The following MS4A14 variants were observed in gnomAD, a reference collection of about 807,000 sequenced individuals.
MS4A14 encodes the protein membrane spanning 4-domains A14.
Under a neutral mutation model 16.7 loss-of-function variants are expected in MS4A14, and 18 were observed. The observed-to-expected ratio is 1.08, with a 90% CI of 0.75 to 1.60. MS4A14 has a LOEUF of 1.60. Ranked by LOEUF, MS4A14 falls within the 40% of genes most tolerant of loss-of-function variation. The probability of loss-of-function intolerance (pLI) is 0.00; values close to 1 mark genes in which losing one functional copy is unlikely to be tolerated. For synonymous variants in MS4A14, 305 were observed against 289.4 expected, an observed-to-expected ratio of 1.05 and a Z score of -0.55; for missense variants, 812 against 775.3, an observed-to-expected ratio of 1.05 and a Z score of -0.56.
intron 4 of MS4A14, chr11:60,406,084 C>A: frequency 1.4e-6 from 1 of 731,502 alleles, no homozygotes; most frequent in South Asian, 2.3e-5. Flanking sequence ...GTAGGAAAAG[C>A]AGCATGCTCA....
chr11:60,409,616 T>A (rs1374237404), intron 4 of MS4A14, among the ~76,000 whole-genome samples: 1 of 150,630 alleles, frequency 6.6e-6, no homozygotes, highest in Admixed American at 6.6e-5. Flanking sequence ...TATTCATTTA[T>A]GTGTAGATAG....
At chr11:60,400,769 T>G (rs1483977747) in intron 3 of MS4A14, among the ~76,000 whole-genome samples, 2 of 152,218 alleles carry the variant, frequency 1.3e-5, no homozygotes, top group Non-Finnish European at 2.9e-5. Flanking sequence ...GGACAACATC[T>G]GAAGACATTT....
At chr11:60,414,296 C>T (rs2085906578) in intron 4 of MS4A14, among the ~76,000 whole-genome samples, 1 of 151,944 alleles carries the variant, frequency 6.6e-6, no homozygotes, top group African/African-American at 2.4e-5. Flanking sequence ...ATAAATAGTC[C>T]TTCAATAGGG....
intron 4 of MS4A14, among the ~76,000 whole-genome samples, chr11:60,411,180 G>T (rs79333296): frequency 6.6e-6 from 1 of 152,126 alleles, no homozygotes; most frequent in Non-Finnish European, 1.5e-5. Flanking sequence ...TTTACAGTAC[G>T]TTTCAAAGTT....
intron 4 of MS4A14, among the ~76,000 whole-genome samples, chr11:60,412,826 C>T (rs1198594645): frequency 1.3e-5 from 2 of 151,806 alleles, no homozygotes. Context: ...TTTGGCTGTT[C>T]TAGGTCATAT....
In MS4A14 at chr11:60,396,728, C is replaced by T. The variant is rs2085628215; in HGVS notation, c.138+12C>T. The T allele has an allele frequency of 6.2e-7, 1 of 1,612,116 alleles. No homozygotes were observed. The highest frequency in any genetic ancestry group is 1.3e-5 in the African/African-American group (1 of 74,920). ...CAAGAGTCTTGGGGGTAAGTCCTCT[C>T]CAGTCAATAGGTCTTCCAGAAGGGG... On this transcript the variant is annotated intron_variant, in intron 1 of 4. Coordinates refer to ENST00000300187, the MANE Select transcript of MS4A14 (RefSeq NM_032597.5).
intron 4 of MS4A14, among the ~76,000 whole-genome samples, chr11:60,407,147 T>C (rs934162261): frequency 1.3e-5 from 2 of 150,844 alleles, no homozygotes; most frequent in Non-Finnish European, 2.9e-5. Flanking sequence ...CCCAAATAGC[T>C]GGGACTGCAA....
intron 2 of MS4A14, 71 bp from the exon 3 acceptor site, chr11:60,400,333 C>A: frequency 9.2e-7 from 1 of 1,087,970 alleles, no homozygotes; most frequent in Non-Finnish European, 1.4e-6. Context: ...TTTTGCAAAT[C>A]CAAGGGAAAT....
chr11:60,398,133 T>TC (rs2085657805), intron 2 of MS4A14, 153 bp downstream of exon 2: 1 of 647,012 alleles, frequency 1.5e-6, no homozygotes, highest in Admixed American at 3.1e-5. Context: ...CTCCATTTGG[T>TC]CACTGCACTA....
intron 4 of MS4A14, among the ~76,000 whole-genome samples, chr11:60,405,676 A>T (rs922653508): frequency 3.3e-5 from 5 of 152,158 alleles, no homozygotes; most frequent in African/African-American, 1.2e-4. Flanking sequence ...TTAGTTCACA[A>T]TGACTGCCCA....
rs150868984 is a variant in MS4A14, at chr11:60,415,801, A to T, written c.833A>T (p.Asp278Val). 7.5e-5 allele frequency: 121 copies of T among 1,614,002 alleles called. No homozygotes were observed. The East Asian group carries it at 2.7e-3, about 35-fold the overall frequency. ...DSTFKQMKDE[D>V]LQSAIVQPSQ... ...ACATTTAAACAAATGAAAGATGAAGATCTACAATCTGCTATTGTACAACCT... is the reference window on the plus strand; with the variant it reads ...ACATTTAAACAAATGAAAGATGAAGTTCTACAATCTGCTATTGTACAACCT... Residue 278 changes from aspartate (D) to valine (V), a missense_variant, in exon 5 of 5, where the codon GAT becomes GTT. Asp to Val is a radical substitution (Grantham distance 152). Coordinates refer to ENST00000300187, the MANE Select transcript of MS4A14 (RefSeq NM_032597.5).
rs753818679 is a variant in MS4A14, at chr11:60,415,583, T to C, written c.615T>C (p.Tyr205=). 41 of 1,613,742 alleles carry C rather than the reference T, an allele frequency of 2.5e-5. No homozygotes were observed. In the East Asian group the frequency reaches 3.3e-4, roughly 13 times the overall value. The change falls in exon 5 of 5, where the codon TAT becomes TAC. Residue 205 remains tyrosine, a synonymous_variant. Coordinates refer to ENST00000300187, the MANE Select transcript of MS4A14 (RefSeq NM_032597.5). ...TNAQSVIFGG[Y]AFFKLTLSRS... ...CACAATCTGTTATCTTTGGAGGCTA[T>C]GCTTTCTTCAAGTTAACACTCTCTA...
At position 60,416,472 on chromosome 11, in the gene MS4A14, T is replaced by C; in HGVS notation, c.1504T>C (p.Ser502Pro). The C allele has an allele frequency of 6.2e-7, 1 of 1,613,936 alleles. No homozygotes were observed. Among genetic ancestry groups the C allele is most frequent in the Non-Finnish European group, 8.5e-7 (1 of 1,179,952 alleles). ...AGCCTTGCAATACTTAAGGAGACAT[T>C]CTTTAGACGTGCAAGCCAAAGGCCA... ...TKALQYLRRHSLDVQAKGQKS... is the reference protein window; with the variant it reads ...TKALQYLRRHPLDVQAKGQKS... Residue 502 changes from serine to proline, a missense_variant, in exon 5 of 5, where the codon TCT (serine) becomes CCT (proline). Transcript: ENST00000300187.
chr11:60,409,102 T>C (rs2085830303), intron 4 of MS4A14, among the ~76,000 whole-genome samples: 2 of 152,238 alleles, frequency 1.3e-5, no homozygotes, highest in African/African-American at 4.8e-5. Flanking sequence ...GATCAAATCA[T>C]GGTAATTACC....
At position 60,416,074 on chromosome 11, in the gene MS4A14, A is replaced by G. The variant is rs888957685; in HGVS notation, c.1106A>G (p.Asp369Gly). 1 of 1,611,918 alleles carries G rather than the reference A, an allele frequency of 6.2e-7. No homozygotes were observed. Among genetic ancestry groups the G allele is most frequent in the African/African-American group, 1.3e-5 (1 of 74,828 alleles). ...GILSQDTSSQ[D>G]MLFHDMTSQD... ...CTATCCCAAGACACATCATCTCAAG[A>G]TATGCTGTTTCATGACATGACATCC... Residue 369 changes from aspartate (D) to glycine (G), a missense_variant, in exon 5 of 5, where the codon GAT (aspartate) becomes GGT (glycine). Physicochemically the swap from Asp to Gly is moderately conservative, Grantham distance 94. Transcript: ENST00000300187.
chr11:60,411,391 T>G (rs1292998967), intron 4 of MS4A14, among the ~76,000 whole-genome samples: 2 of 152,222 alleles, frequency 1.3e-5, no homozygotes, highest in Non-Finnish European at 2.9e-5. Flanking sequence ...AATCTTCTTA[T>G]ACGTGAACAC....
chr11:60,417,118 A>G lies in MS4A14; in HGVS notation c.*110A>G. The G allele has an allele frequency of 7.2e-7, 1 of 1,395,234 alleles. No homozygotes were observed. The allele number at this position is 1,395,234 out of a possible 1,614,324, so 86.4% of individuals were successfully genotyped here. ...AAGAAGCCCTAAAGCAGAAAGCTCTATACCAAGAAGTCCAAACCCAGCACG... is the reference window on the plus strand; with the variant it reads ...AAGAAGCCCTAAAGCAGAAAGCTCTGTACCAAGAAGTCCAAACCCAGCACG... On this transcript the variant is annotated 3_prime_UTR_variant, in exon 5 of 5. Coordinates refer to ENST00000300187, the MANE Select transcript of MS4A14 (RefSeq NM_032597.5).
rs2085930200 is a variant in MS4A14, at chr11:60,415,742, G to T, written c.774G>T (p.Lys258Asn). 1 of 1,613,818 alleles carries T rather than the reference G, an allele frequency of 6.2e-7. No individual in the cohort carries two copies. The highest frequency in any genetic ancestry group is 2.2e-5 in the East Asian group (1 of 44,868). ...CTTTGCCTCCCACACTAGAGAAAAA[G>T]CCCTCAGAAAATATGTCCATTCAGC... is the stretch of plus-strand genomic sequence containing the variant. Reference protein sequence around the residue: ...IEPLPPTLEKKPSENMSIQLD... With the variant: ...IEPLPPTLEKNPSENMSIQLD... Residue 258 changes from lysine (K) to asparagine (N), a missense_variant, in exon 5 of 5, where the codon AAG (lysine) becomes AAT (asparagine). Coordinates refer to ENST00000300187, the MANE Select transcript of MS4A14 (RefSeq NM_032597.5).
At chr11:60,398,701 TG>T (rs1019677140) in intron 2 of MS4A14, among the ~76,000 whole-genome samples, 54 of 152,202 alleles carry the variant, frequency 3.5e-4, no homozygotes, top group African/African-American at 1.2e-3. Context: ...AACAAATAGG[TG>T]AAATAATTAA....
Sources: gnomAD v4.1 joint callset for allele counts (sites outside exome capture counted in the v4.1 genomes callset) on GRCh38, gnomAD v4.1.1 for gene constraint, MANE v1.5 for transcripts, NCBI Gene and HGNC (gene_info 2026-07-23, HGNC 2026-07-21) for gene names.